Variants in GRID2 observed in about 807,000 individuals in gnomAD.
GRID2 encodes glutamate ionotropic receptor delta type subunit 2.
A neutral mutation model predicts 114.8 loss-of-function variants in GRID2; 33 were observed. The ratio of observed to expected loss-of-function variants is 0.29; its 90% CI spans 0.22 to 0.38. The LOEUF is 0.38. GRID2 is among the 10% of genes least tolerant of loss of function. The pLI is 1.00. For synonymous variants in GRID2, 505 were observed against 449.9 expected, an observed-to-expected ratio of 1.12 and a Z score of -1.55; for missense variants, 1,184 against 1,257.7, an observed-to-expected ratio of 0.94 and a Z score of 0.89.
At chr4:93,462,971 T>A (rs1208831268) in intron 11 of GRID2, among the ~76,000 whole-genome samples, 1 of 152,214 alleles carries the variant, frequency 6.6e-6, no homozygotes, top group African/African-American at 2.4e-5. Flanking sequence ...CAGGTTTTTT[T>A]CTACATTGTG....
intron 4 of GRID2, among the ~76,000 whole-genome samples, chr4:93,145,785 A>G (rs56119934): frequency 0.076 from 11,380 of 149,112 alleles, 473 homozygotes; most frequent in East Asian, 0.18. Flanking sequence ...TGTGAACCAC[A>G]GCCCACAGCA....
chr4:93,495,520 C>T (rs1727443506), intron 12 of GRID2, among the ~76,000 whole-genome samples: 1 of 151,624 alleles, frequency 6.6e-6, no homozygotes, highest in South Asian at 2.1e-4. Flanking sequence ...ACTAAATCAT[C>T]GAGGGCATGG....
chr4:92,649,617 C>T (rs759664745), intron 2 of GRID2, among the ~76,000 whole-genome samples: 2 of 151,972 alleles, frequency 1.3e-5, no homozygotes, highest in Non-Finnish European at 2.9e-5. Flanking sequence ...AATTAACCAT[C>T]ACAAGTCCAT....
intron 8 of GRID2, among the ~76,000 whole-genome samples, chr4:93,245,913 A>G (rs1748152669): frequency 6.6e-6 from 1 of 152,252 alleles, no homozygotes; most frequent in Admixed American, 6.5e-5. Flanking sequence ...ACCCAACACA[A>G]GAACTACAAA....
intron 6 of GRID2, among the ~76,000 whole-genome samples, chr4:93,221,468 C>T (rs934298276): frequency 5.3e-5 from 8 of 152,010 alleles, no homozygotes; most frequent in Admixed American, 1.3e-4. Flanking sequence ...ATGTGACATA[C>T]TGGAGTCTAT....
chr4:93,192,266 C>A (rs1741055862), intron 4 of GRID2, among the ~76,000 whole-genome samples: 1 of 152,128 alleles, frequency 6.6e-6, no homozygotes, highest in Non-Finnish European at 1.5e-5. Flanking sequence ...AAAAATGAAG[C>A]CTTACAATAG....
rs200173478 is a variant in GRID2 at position 92,475,125 on chromosome 4, TAATA to T, written c.89-115000_89-114997del. On this transcript the variant is annotated intron_variant, in intron 1 of 15. Transcript: ENST00000282020. The stretch of plus-strand genomic sequence containing the variant: ...CCTAAAACTTAAAGTATAATAATAA[TAATA>T]AATAATAATAATAATAATAATAATA... Among the ~76,000 whole-genome samples the T allele has an allele frequency of 4.1e-5, 5 of 121,980 alleles. No individual in the cohort carries two copies. The East Asian group carries it at 6.5e-4, about 16-fold the overall frequency. The allele number at this position is 121,980 out of a possible 152,430, so 80.0% of individuals were successfully genotyped here. A position where few individuals can be genotyped will look rare whatever the true frequency, so the allele number is the denominator to read the frequency against.
rs763571848 is a variant in GRID2 at position 93,207,386 on chromosome 4, A to T, written c.736-18A>T. 6.4e-7 allele frequency: 1 copy of T among 1,564,196 alleles called. No individual in the cohort carries two copies. The highest frequency in any genetic ancestry group is 1.1e-5 in the South Asian group (1 of 89,994). ...CATGATTAATTTTGACTGATAGCTG[A>T]TTTGTTTTCTATTCTAGGTTGTGGA... On this transcript the variant is annotated intron_variant, in intron 4 of 15. Coordinates refer to ENST00000282020, the MANE Select transcript of GRID2 (RefSeq NM_001510.4).
intron 2 of GRID2, among the ~76,000 whole-genome samples, chr4:92,840,513 A>G (rs753982161): frequency 1.1e-4 from 16 of 151,974 alleles, no homozygotes; most frequent in Non-Finnish European, 1.5e-4. Flanking sequence ...ATTATTCCCA[A>G]ACTCCAGATG....
At chr4:93,087,621 T>C (rs1276011035) in intron 3 of GRID2, among the ~76,000 whole-genome samples, 1 of 152,312 alleles carries the variant, frequency 6.6e-6, no homozygotes, top group East Asian at 1.9e-4. Context: ...ATGTAATATA[T>C]GACTGGGTCA....
intron 2 of GRID2, among the ~76,000 whole-genome samples, chr4:93,006,605 A>G (rs1721556452): frequency 1.3e-5 from 2 of 151,566 alleles, no homozygotes; most frequent in African/African-American, 2.4e-5. Flanking sequence ...GAAAAAAAAA[A>G]GAGAGTCACT....
intron 3 of GRID2, among the ~76,000 whole-genome samples, chr4:93,092,835 TATATAC>T (rs932354175): frequency 6.6e-6 from 1 of 151,824 alleles, no homozygotes; most frequent in Non-Finnish European, 1.5e-5. Context: ...TATATATACA[TATATAC>T]ATACACACAC....
chr4:93,371,878 G>A (rs1369958381), intron 8 of GRID2, among the ~76,000 whole-genome samples: 2 of 150,660 alleles, frequency 1.3e-5, no homozygotes, highest in Non-Finnish European at 2.9e-5. Context: ...CTCCTGAGTA[G>A]CTGGGATTAC....
rs111996755 is a variant in GRID2 at position 93,408,196 on chromosome 4, A to G, written c.1347+12488A>G. Among the ~76,000 whole-genome samples, 386 of 152,260 alleles carry G rather than the reference A, an allele frequency of 2.5e-3. 2 individuals carry two copies. The highest frequency in any genetic ancestry group is 8.6e-3 in the African/African-American group (358 of 41,560). On this transcript the variant is annotated intron_variant, in intron 9 of 15. Transcript: ENST00000282020. ...GAATTTTTTAACAGAACACTCATCA[A>G]AAACAAAGCGTTTGAAAATTACCCC... is the stretch of plus-strand genomic sequence containing the variant.
chr4:93,683,535 G>T (rs1725793227), intron 14 of GRID2, among the ~76,000 whole-genome samples: 1 of 152,074 alleles, frequency 6.6e-6, no homozygotes, highest in Non-Finnish European at 1.5e-5. Flanking sequence ...AAGAGATTCT[G>T]AGTCGTAAAG....
intron 14 of GRID2, among the ~76,000 whole-genome samples, chr4:93,649,020 C>G (rs1445847814): frequency 5.9e-5 from 9 of 152,244 alleles, no homozygotes. Context: ...ATCAATAAAC[C>G]TAAATTATAC....
intron 1 of GRID2, among the ~76,000 whole-genome samples, chr4:92,454,120 G>T (rs1372121539): frequency 6.8e-6 from 1 of 145,988 alleles, no homozygotes. Context: ...AAATAATAAT[G>T]ACACATTGTT....
chr4:93,788,834 G>C (rs914263075), intron 1 of GRID2, among the ~76,000 whole-genome samples: 1 of 152,158 alleles, frequency 6.6e-6, no homozygotes, highest in Non-Finnish European at 1.5e-5. Context: ...ATACACAGCA[G>C]AAAACCAACT....
intron 8 of GRID2, among the ~76,000 whole-genome samples, chr4:93,375,159 C>CTAAG (rs1438155495): frequency 6.6e-6 from 1 of 151,760 alleles, no homozygotes; most frequent in African/African-American, 2.4e-5. Flanking sequence ...CAAACATACT[C>CTAAG]TAAGCTGCCA....
Sources: allele counts gnomAD v4.1 joint callset (sites outside exome capture counted in the v4.1 genomes callset), GRCh38; gene constraint gnomAD v4.1.1; transcripts MANE v1.5; gene names NCBI Gene and HGNC (gene_info 2026-07-23, HGNC 2026-07-21).